DYNLT5: variants seen among roughly 807,000 people sequenced by gnomAD.
DYNLT5 encodes dynein light chain Tctex-type 5.
In DYNLT5, 25 loss-of-function variants were observed where a neutral mutation model predicts 19.3. That is an observed-to-expected ratio of 1.30 (90% CI 0.95 to 1.81). DYNLT5 has a LOEUF of 1.81. DYNLT5 is among the 40% of genes most tolerant of loss of function. The probability of loss-of-function intolerance (pLI) is 0.00; values close to 1 mark genes in which losing one functional copy is unlikely to be tolerated. For synonymous variants in DYNLT5, 82 were observed against 68.9 expected (o/e 1.19, Z -0.94); for missense variants, 232 against 217.9 (o/e 1.06, Z -0.41).
chr1:66,770,479 G>A lies in DYNLT5; in HGVS notation c.211+1G>A. The A allele has an allele frequency of 6.2e-7, 1 of 1,609,778 alleles. No homozygotes were observed. Among genetic ancestry groups the A allele is most frequent in the Non-Finnish European group, 8.5e-7 (1 of 1,176,406 alleles). ...CAGATGGAAAACACCTATCAGTTGG[G>A]TGTGTTCTTTTATCTCTCACTCCTA... is the stretch of plus-strand genomic sequence containing the variant. On this transcript the variant is annotated splice_donor_variant, in intron 3 of 4. Transcript: ENST00000282670. LOFTEE classifies it high-confidence loss of function.
At position 66,770,430 on chromosome 1, in the gene DYNLT5, G is replaced by T; in HGVS notation, c.163G>T (p.Asp55Tyr). Reference protein sequence around the residue: ...VSYMEEPSQRDDISRLTVQME... With the variant: ...VSYMEEPSQRYDISRLTVQME... The stretch of plus-strand genomic sequence containing the variant: ...TTATATGGAAGAACCCAGTCAGCGT[G>T]ATGATATCTCTCGCCTTACAGTTCA... Residue 55 changes from aspartate to tyrosine, a missense_variant, in exon 3 of 5, where the codon GAT (aspartate) becomes TAT (tyrosine). By Grantham distance (160) the Asp-to-Tyr change is radical. Transcript: ENST00000282670. The T allele has an allele frequency of 6.2e-7, 1 of 1,613,576 alleles. No individual in the cohort carries two copies.
In DYNLT5 at chr1:66,770,398, C is replaced by T. The variant is rs1465666444; in HGVS notation, c.131C>T (p.Thr44Ile). ...TCCCTTGTTTTTAGTTCTATGAGTA[C>T]TGTGTCTTATATGGAAGAACCCAGT... ...IHGRIKDSMS[T>I]VSYMEEPSQR... The change falls in exon 3 of 5, where the codon ACT (threonine) becomes ATT (isoleucine). Residue 44 changes from threonine to isoleucine, a missense_variant. Thr to Ile is a moderately conservative substitution (Grantham distance 89). Transcript: ENST00000282670. 6.8e-6 allele frequency: 11 copies of T among 1,611,930 alleles called. No individual in the cohort carries two copies. In the South Asian group the frequency reaches 1.1e-4, roughly 16 times the overall value.
intron 1 of DYNLT5, among the ~76,000 whole-genome samples, chr1:66,753,848 G>T (rs1243135579): frequency 6.6e-6 from 1 of 152,126 alleles, no homozygotes; most frequent in Admixed American, 6.5e-5. Context: ...TACTAGGGAG[G>T]CTGAGGTGGG....
chr1:66,775,809 C>G (rs948836850), intron 3 of DYNLT5, among the ~76,000 whole-genome samples: 3 of 152,164 alleles, frequency 2.0e-5, no homozygotes, highest in African/African-American at 4.8e-5. Flanking sequence ...CCTTTATAGA[C>G]AGATGGAGCC....
chr1:66,763,038 G>A (rs902951210), intron 2 of DYNLT5, among the ~76,000 whole-genome samples: 1 of 152,114 alleles, frequency 6.6e-6, no homozygotes, highest in African/African-American at 2.4e-5. Flanking sequence ...AAATAAATGA[G>A]ATGAAGGTCG....
intron 2 of DYNLT5, chr1:66,768,777 G>A (rs1196292314): frequency 6.6e-6 from 1 of 152,280 alleles, no homozygotes; most frequent in East Asian, 1.9e-4. Flanking sequence ...TTTAATTGCA[G>A]TGATTAATTA....
chr1:66,777,101 G>A (rs1185335030), intron 4 of DYNLT5, 150 bp from the exon 5 acceptor site: 1 of 629,392 alleles, frequency 1.6e-6, no homozygotes, highest in African/African-American at 1.8e-5. Context: ...ATGCTTGAAG[G>A]GAATCATACT....
intron 2 of DYNLT5, among the ~76,000 whole-genome samples, chr1:66,760,613 C>T (rs1354198610): frequency 6.6e-6 from 1 of 152,044 alleles, no homozygotes; most frequent in African/African-American, 2.4e-5. Context: ...TTTAAAAAAC[C>T]CAAAAGAACA....
At chr1:66,756,427 AC>A (rs939884032) in intron 2 of DYNLT5, among the ~76,000 whole-genome samples, 5 of 152,226 alleles carry the variant, frequency 3.3e-5, no homozygotes, top group African/African-American at 1.2e-4. Flanking sequence ...TGAGGCTTCA[AC>A]TAGTAGAAAA....
Position 66,752,532 on chromosome 1 carries a change from T to A in DYNLT5, c.-56T>A. On this transcript the variant is annotated 5_prime_UTR_variant, in exon 1 of 5. Transcript: ENST00000282670. ...GACGCGGGAGCCGCGCCGCGCGCAG[T>A]GTCTGCAGTGCCGGAGGTCTGGGAG... The A allele has an allele frequency of 2.0e-6, 2 of 985,562 alleles. No homozygotes were observed. The highest frequency in any genetic ancestry group is 2.4e-6 in the Non-Finnish European group (2 of 830,034). 61.1% of individuals were successfully genotyped at this position (985,562 alleles called of 1,614,324 possible).
chr1:66,756,593 T>C lies in DYNLT5; in HGVS notation c.119+1816T>C, dbSNP rs1308809138. On this transcript the variant is annotated intron_variant, in intron 2 of 4. Coordinates refer to ENST00000282670, the MANE Select transcript of DYNLT5 (RefSeq NM_152665.3). ...AAACATTCTGAAGTTTATTAAGGAC[T>C]GAATACATTATCTCACTGAATCTCC... Among the ~76,000 whole-genome samples, 3 of 152,250 alleles carry C rather than the reference T, an allele frequency of 2.0e-5. No individual in the cohort carries two copies. In the East Asian group the frequency reaches 5.8e-4, roughly 29 times the overall value.
At chr1:66,762,415 T>A (rs1168157132) in intron 2 of DYNLT5, among the ~76,000 whole-genome samples, 1 of 152,218 alleles carries the variant, frequency 6.6e-6, no homozygotes, top group Non-Finnish European at 1.5e-5. Flanking sequence ...TAGCTATAAT[T>A]TTGTATCCTT....
At chr1:66,758,933 C>T (rs952635827) in intron 2 of DYNLT5, among the ~76,000 whole-genome samples, 2 of 152,210 alleles carry the variant, frequency 1.3e-5, no homozygotes, top group East Asian at 3.9e-4. Flanking sequence ...ATTAGAAGAT[C>T]AGAGTTAGGA....
chr1:66,762,993 A>G (rs946909511), intron 2 of DYNLT5, among the ~76,000 whole-genome samples: 4 of 152,184 alleles, frequency 2.6e-5, no homozygotes, highest in Non-Finnish European at 5.9e-5. Context: ...AAAATGTATC[A>G]CTATGATACA....
At chr1:66,766,086 T>C (rs2094654450) in intron 2 of DYNLT5, among the ~76,000 whole-genome samples, 1 of 152,228 alleles carries the variant, frequency 6.6e-6, no homozygotes, top group Non-Finnish European at 1.5e-5. Context: ...TTTCTTTTAT[T>C]ACATTACTTT....
chr1:66,774,665 C>T (rs578245881), intron 3 of DYNLT5, among the ~76,000 whole-genome samples: 1 of 151,330 alleles, frequency 6.6e-6, no homozygotes, highest in African/African-American at 2.4e-5. Flanking sequence ...AGCCTGGTTA[C>T]ATTCTTCAAC....
intron 2 of DYNLT5, among the ~76,000 whole-genome samples, chr1:66,765,074 G>C (rs2094652268): frequency 6.6e-6 from 1 of 152,142 alleles, no homozygotes; most frequent in Admixed American, 6.5e-5. Context: ...CTGACATGTT[G>C]TGGGCAATAA....
chr1:66,763,659 A>G (rs949970465), intron 2 of DYNLT5, among the ~76,000 whole-genome samples: 4 of 152,194 alleles, frequency 2.6e-5, no homozygotes, highest in African/African-American at 9.7e-5. Flanking sequence ...CTCAAGCCTC[A>G]TGAACAAACC....
intron 3 of DYNLT5, chr1:66,776,041 C>A: frequency 3.0e-6 from 1 of 338,206 alleles, no homozygotes; most frequent in Non-Finnish European, 5.3e-6. Context: ...CAAGGTCAAA[C>A]CCCAGCAGTA....
Sources: gnomAD v4.1 joint callset for allele counts (sites outside exome capture counted in the v4.1 genomes callset) on GRCh38, gnomAD v4.1.1 for gene constraint, MANE v1.5 for transcripts, NCBI Gene and HGNC (gene_info 2026-07-23, HGNC 2026-07-21) for gene names.